XRN1: variants seen among roughly 807,000 people sequenced by gnomAD.
XRN1 encodes 5'-3' exoribonuclease 1.
In XRN1, 67 loss-of-function variants were observed where a neutral mutation model predicts 222.3. The observed-to-expected ratio is 0.30, with a 90% confidence interval of 0.25 to 0.37. XRN1 has a LOEUF of 0.37. XRN1 is among the 10% of genes least tolerant of loss of function. The pLI is 1.00. For synonymous variants in XRN1, 643 were observed against 652.4 expected (o/e 0.99, Z 0.22); for missense variants, 1,707 against 2,000.2 (o/e 0.85, Z 2.80).
Position 142,417,205 on chromosome 3 carries a change from T to G in XRN1, c.1371A>C (p.Ala457=). The change falls in exon 13 of 41, where the codon GCA becomes GCC. Residue 457 remains alanine (A), a synonymous_variant. Transcript: ENST00000392981. ...VSDDFLADQA[A]CYVQAIQWIL... ...TCCACTGTATTGCCTGAACATAACATGCAGCTTGATCAGCCAGAAAGTCAC... is the reference window on the plus strand; with the variant it reads ...TCCACTGTATTGCCTGAACATAACAGGCAGCTTGATCAGCCAGAAAGTCAC... 2 of 1,613,746 alleles carry G rather than the reference T, an allele frequency of 1.2e-6. No homozygotes were observed. Among genetic ancestry groups the G allele is most frequent in the Non-Finnish European group, 1.7e-6 (2 of 1,179,836 alleles).
chr3:142,357,719 T>C (rs1403737974), intron 30 of XRN1, among the ~76,000 whole-genome samples: 2 of 147,202 alleles, frequency 1.4e-5, no homozygotes, highest in Non-Finnish European at 3.0e-5. Flanking sequence ...TGAGCCACCA[T>C]GCCTGGCCTC....
intron 39 of XRN1, chr3:142,313,130 T>A (rs746908761): frequency 3.1e-6 from 5 of 1,607,988 alleles, no homozygotes; most frequent in Non-Finnish European, 3.4e-6. Context: ...ATCTTAAGGA[T>A]CTCACCTGCC....
chr3:142,411,437 A>T (rs956988476), intron 15 of XRN1, among the ~76,000 whole-genome samples: 1 of 151,950 alleles, frequency 6.6e-6, no homozygotes, highest in Non-Finnish European at 1.5e-5. Context: ...AATTTATTTT[A>T]AACCTTTTTC....
chr3:142,392,518 C>T (rs2067766796), intron 20 of XRN1, among the ~76,000 whole-genome samples: 1 of 152,100 alleles, frequency 6.6e-6, no homozygotes, highest in South Asian at 2.1e-4. Context: ...TATTCCCCTT[C>T]CTGTGTCCAT....
intron 23 of XRN1, among the ~76,000 whole-genome samples, chr3:142,379,287 A>G (rs2067232603): frequency 1.3e-5 from 2 of 152,180 alleles, no homozygotes; most frequent in South Asian, 2.1e-4. Flanking sequence ...AGAAAAAACC[A>G]AAACCAAAAC....
chr3:142,331,301 C>T (rs372250750), intron 36 of XRN1, among the ~76,000 whole-genome samples: 3 of 152,062 alleles, frequency 2.0e-5, no homozygotes, highest in South Asian at 2.1e-4. Flanking sequence ...ACAAATATGG[C>T]GGATATTTAC....
At chr3:142,387,527 G>A (rs570566499) in intron 20 of XRN1, among the ~76,000 whole-genome samples, 1 of 152,192 alleles carries the variant, frequency 6.6e-6, no homozygotes, top group Non-Finnish European at 1.5e-5. Flanking sequence ...AGACATTTCA[G>A]GTTCAGTTCC....
At position 142,332,438 on chromosome 3, in the gene XRN1, C is replaced by A; in HGVS notation, c.4159G>T (p.Val1387Phe). 4 of 1,613,186 alleles carry A rather than the reference C, an allele frequency of 2.5e-6. No individual in the cohort carries two copies. The highest frequency in any genetic ancestry group is 3.4e-6 in the Non-Finnish European group (4 of 1,179,452). Residue 1387 changes from valine (V) to phenylalanine (F), a missense_variant, in exon 36 of 41, where the codon GTT becomes TTT. This residue lies in a region of XRN1 where 473 missense variants were observed against 482.0 expected (regional missense o/e 0.98). Coordinates refer to ENST00000392981, the MANE Select transcript of XRN1 (RefSeq NM_001282857.2). ...TATTCATCTCTTCTGTTAGAGGAAA[C>A]AGGGATTTCATTAGCAATCTGTTTG... ...EIKQIANEIP[V>F]SSNRRDEYGL...
At chr3:142,364,947 T>A in intron 29 of XRN1, 100 bp downstream of exon 29, 1 of 1,276,654 alleles carries the variant, frequency 7.8e-7, no homozygotes, top group Non-Finnish European at 1.1e-6. Context: ...TTGTTCCTGA[T>A]TTATAGTCAC....
At chr3:142,351,904 T>G (rs1473690831) in intron 32 of XRN1, among the ~76,000 whole-genome samples, 1 of 147,168 alleles carries the variant, frequency 6.8e-6, no homozygotes, top group Non-Finnish European at 1.5e-5. Context: ...TTTTTTTAAG[T>G]TAAAAAAAAA....
At chr3:142,330,652 G>A (rs2065670508) in intron 36 of XRN1, among the ~76,000 whole-genome samples, 3 of 149,592 alleles carry the variant, frequency 2.0e-5, no homozygotes, top group Admixed American at 6.7e-5. Flanking sequence ...TTTTGACAAT[G>A]GGACCATCTT....
intron 32 of XRN1, among the ~76,000 whole-genome samples, chr3:142,355,092 G>C (rs779518962): frequency 2.0e-5 from 3 of 150,076 alleles, no homozygotes; most frequent in Admixed American, 6.6e-5. Flanking sequence ...GGAAGATAGG[G>C]AGGAGGGGGG....
chr3:142,406,326 T>A (rs1371261418), intron 15 of XRN1, among the ~76,000 whole-genome samples: 1 of 152,318 alleles, frequency 6.6e-6, no homozygotes, highest in African/African-American at 2.4e-5. Flanking sequence ...ACTGGACTTT[T>A]ATCTTACCAT....
At chr3:142,313,851 G>T (rs1396081343) in intron 39 of XRN1, among the ~76,000 whole-genome samples, 1 of 152,150 alleles carries the variant, frequency 6.6e-6, no homozygotes, top group Non-Finnish European at 1.5e-5. Flanking sequence ...AATGTGTGAG[G>T]ATTGCTTGAG....
rs1427474197 is a variant in XRN1, at chr3:142,307,444, A to T, written c.*4067T>A. 1 of 152,180 alleles carries T rather than the reference A, an allele frequency of 6.6e-6. No individual in the cohort carries two copies. The highest frequency in any genetic ancestry group is 6.5e-5 in the Admixed American group (1 of 15,278). 9.4% of individuals were successfully genotyped at this position (152,180 alleles called of 1,614,324 possible). On this transcript the variant is annotated 3_prime_UTR_variant, in exon 41 of 41. Transcript: ENST00000392981. ...TTGGAAACCATAGTCTCCTTCACAA[A>T]TTGCACTTGAGATGGCTGAATGCAT...
At position 142,307,811 on chromosome 3, in the gene XRN1, A is replaced by G. The variant is rs559305148; in HGVS notation, c.*3700T>C. 1.8e-3 allele frequency: 280 copies of G among 152,364 alleles called. 1 individual carries two copies. Among genetic ancestry groups the G allele is most frequent in the African/African-American group, 6.2e-3 (256 of 41,594 alleles). The allele number at this position is 152,364 out of a possible 1,614,324, so 9.4% of individuals were successfully genotyped here. ...CACTGACAAAGCTTACAAAATGTAT[A>G]TACTGAGCACTGCCAGTTTGAGTAC... On this transcript the variant is annotated 3_prime_UTR_variant, in exon 41 of 41. Transcript: ENST00000392981.
rs532255853 is a variant in XRN1, at chr3:142,384,539, T to C, written c.2486A>G (p.Tyr829Cys). 3.1e-6 allele frequency: 5 copies of C among 1,611,388 alleles called. No individual in the cohort carries two copies. Among genetic ancestry groups the C allele is most frequent in the East Asian group, 2.2e-5 (1 of 44,728 alleles). ...TAGACTTACCTTGACAATAGTTTGA[T>C]AAACAAAAGGAACAACTTGTTTTGA... The part of the protein sequence containing the change: ...QWSKQVVPFV[Y>C]QTIVKDIRAF... The change falls in exon 21 of 41, where the codon TAT (tyrosine) becomes TGT (cysteine). Residue 829 changes from tyrosine to cysteine, a missense_variant. Tyr to Cys is a radical substitution (Grantham distance 194). This residue lies in a region of XRN1 where 1,234 missense variants were observed against 1,518.2 expected (regional missense o/e 0.81). Coordinates refer to ENST00000392981, the MANE Select transcript of XRN1 (RefSeq NM_001282857.2).
chr3:142,333,716 A>G (rs998004439), intron 34 of XRN1, among the ~76,000 whole-genome samples: 3 of 152,190 alleles, frequency 2.0e-5, no homozygotes, highest in South Asian at 2.1e-4. Flanking sequence ...TGCAACATCC[A>G]TGATGGTATT....
chr3:142,392,472 C>T (rs2067764472), intron 20 of XRN1, among the ~76,000 whole-genome samples: 1 of 152,180 alleles, frequency 6.6e-6, no homozygotes, highest in African/African-American at 2.4e-5. Flanking sequence ...TATCCCTCCC[C>T]ACTCCCACCA....
Sources: allele counts gnomAD v4.1 joint callset (sites outside exome capture counted in the v4.1 genomes callset), GRCh38; gene constraint gnomAD v4.1.1; regional missense constraint gnomAD v4.1.1; transcripts MANE v1.5; gene names NCBI Gene and HGNC (gene_info 2026-07-23, HGNC 2026-07-21).